Variants in ARHGAP6 observed in about 807,000 individuals in gnomAD.
ARHGAP6 encodes the protein rho GTPase-activating protein 6.
Under a neutral mutation model 55.7 loss-of-function variants are expected in ARHGAP6, and 16 were observed. That is an observed-to-expected ratio of 0.29 (90% confidence interval 0.19 to 0.44). ARHGAP6 has a LOEUF of 0.44. Among genes scored for constraint, ARHGAP6 ranks in the 20% least tolerant of loss-of-function variants. The pLI is 1.00. For missense variants in ARHGAP6, 698 were observed against 808.9 expected (o/e 0.86, Z 1.66); for synonymous variants, 382 against 360.9 (o/e 1.06, Z -0.66).
intron 1 of ARHGAP6, among the ~76,000 whole-genome samples, chrX:11,339,456 A>T (rs967618299): frequency 9.1e-6 from 1 of 110,154 alleles, no homozygotes; most frequent in African/African-American, 3.3e-5. Context: ...CTTAAATTTT[A>T]CACATATCTG....
chrX:11,173,463 G>C (rs952926230), intron 8 of ARHGAP6, among the ~76,000 whole-genome samples: 1 of 112,030 alleles, frequency 8.9e-6, no homozygotes, highest in Non-Finnish European at 1.9e-5. Flanking sequence ...GTGCCAGGGG[G>C]TTCTTGAACT....
intron 1 of ARHGAP6, among the ~76,000 whole-genome samples, chrX:11,620,374 C>T (rs981506023): frequency 1.8e-5 from 2 of 112,272 alleles, no homozygotes; most frequent in Non-Finnish European, 3.8e-5. Context: ...TCGAAACATG[C>T]AATTGTGATA....
At chrX:11,253,675 G>A (rs1237400138) in intron 2 of ARHGAP6, among the ~76,000 whole-genome samples, 1 of 112,002 alleles carries the variant, frequency 8.9e-6, no homozygotes, top group Non-Finnish European at 1.9e-5. Flanking sequence ...GGGAGGCTGA[G>A]GCAGGCAGAT....
intron 1 of ARHGAP6, among the ~76,000 whole-genome samples, chrX:11,346,384 A>G (rs1004431096): frequency 1.2e-4 from 13 of 111,755 alleles, no homozygotes; most frequent in Admixed American, 1.9e-4. Context: ...AATACTTACC[A>G]TCTGTCCCAT....
At chrX:11,630,071 G>C (rs888815965) in intron 1 of ARHGAP6, among the ~76,000 whole-genome samples, 1 of 110,716 alleles carries the variant, frequency 9.0e-6, no homozygotes, top group Non-Finnish European at 1.9e-5. Context: ...CCTCCTGCCA[G>C]TTTCTGTTGT....
rs12011307 is a variant in ARHGAP6 at position 11,484,333 on chromosome X, A to G, written c.588+179908T>C. ...GGAGAGAGAGAGGAGAATTTTAGAGAAGATTAAGTAGGAGGAGGAGGAGGA... is the reference window on the plus strand; with the variant it reads ...GGAGAGAGAGAGGAGAATTTTAGAGGAGATTAAGTAGGAGGAGGAGGAGGA... On this transcript the variant is annotated intron_variant, in intron 1 of 12. Coordinates refer to ENST00000337414, the MANE Select transcript of ARHGAP6 (RefSeq NM_013427.3). 8.1e-3 allele frequency among the ~76,000 whole-genome samples: 883 copies of G among 108,576 alleles called. 2 individuals carry two copies. Among genetic ancestry groups the G allele is most frequent in the Middle Eastern group, 0.029 (6 of 208 alleles). 94.3% of individuals were successfully genotyped at this position (108,576 alleles called of 115,157 possible).
intron 1 of ARHGAP6, among the ~76,000 whole-genome samples, chrX:11,642,569 A>G (rs957173149): frequency 1.8e-5 from 2 of 112,181 alleles, no homozygotes; most frequent in African/African-American, 6.5e-5. Context: ...GATCAATAAG[A>G]TGTGGTCTAT....
intron 1 of ARHGAP6, among the ~76,000 whole-genome samples, chrX:11,634,137 G>A (rs867689756): frequency 6.5e-5 from 7 of 107,212 alleles, no homozygotes; most frequent in Middle Eastern, 4.7e-3. Flanking sequence ...AAAGGTTTGG[G>A]ACTGCAGGTG....
intron 1 of ARHGAP6, among the ~76,000 whole-genome samples, chrX:11,352,045 C>G (rs1384820656): frequency 8.9e-6 from 1 of 112,436 alleles, no homozygotes; most frequent in Non-Finnish European, 1.9e-5. Context: ...TTACTGTTGT[C>G]ATTAATAAAA....
At chrX:11,381,071 G>A (rs1021974811) in intron 1 of ARHGAP6, among the ~76,000 whole-genome samples, 1 of 112,873 alleles carries the variant, frequency 8.9e-6, no homozygotes, top group African/African-American at 3.2e-5. Flanking sequence ...CAGGTTAAGT[G>A]AGGATGTATT....
intron 2 of ARHGAP6, among the ~76,000 whole-genome samples, chrX:11,208,914 T>G (rs5978427): frequency 0.22 from 24,038 of 110,979 alleles, 2,012 homozygotes; most frequent in Middle Eastern, 0.28. Context: ...CTGTAATTCT[T>G]TTGGGGAGAA....
At chrX:11,445,710 G>A (rs769110397) in intron 1 of ARHGAP6, among the ~76,000 whole-genome samples, 1 of 111,624 alleles carries the variant, frequency 9.0e-6, no homozygotes, top group African/African-American at 3.3e-5. Flanking sequence ...GGACATTTTG[G>A]TTGTCGTGAC....
At chrX:11,203,827 C>T (rs1057287775) in intron 2 of ARHGAP6, among the ~76,000 whole-genome samples, 5 of 111,749 alleles carry the variant, frequency 4.5e-5, no homozygotes, top group Non-Finnish European at 7.5e-5. Context: ...TTGGTGTTTC[C>T]ACTCAAGTCC....
intron 1 of ARHGAP6, among the ~76,000 whole-genome samples, chrX:11,360,201 C>A (rs1485681891): frequency 3.6e-5 from 4 of 111,546 alleles, no homozygotes; most frequent in African/African-American, 6.5e-5. Context: ...GAGACACAAC[C>A]AACAAAGAGA....
chrX:11,578,602 C>G (rs886852233), intron 1 of ARHGAP6, among the ~76,000 whole-genome samples: 3 of 111,954 alleles, frequency 2.7e-5, no homozygotes, highest in East Asian at 2.8e-4. Context: ...CCAGTTCAAC[C>G]ATTGTGGAAG....
intron 2 of ARHGAP6, among the ~76,000 whole-genome samples, chrX:11,209,200 G>A (rs932236679): frequency 2.7e-5 from 3 of 112,111 alleles, no homozygotes; most frequent in Admixed American, 9.4e-5. Flanking sequence ...GGAGTGCAGC[G>A]GCGTAATCGA....
chrX:11,204,531 G>A (rs998557845), intron 2 of ARHGAP6, among the ~76,000 whole-genome samples: 1 of 111,922 alleles, frequency 8.9e-6, no homozygotes, highest in Admixed American at 9.5e-5. Flanking sequence ...GACACCCAGT[G>A]TTTTGATGAC....
intron 1 of ARHGAP6, chrX:11,351,550 G>C (rs2048864053): frequency 1.3e-5 from 12 of 890,537 alleles, no homozygotes; most frequent in Non-Finnish European, 1.7e-5. Context: ...GGGGAAGTGA[G>C]AAGCCATGGG....
At chrX:11,359,127 G>A (rs1044836045) in intron 1 of ARHGAP6, among the ~76,000 whole-genome samples, 1 of 111,556 alleles carries the variant, frequency 9.0e-6, no homozygotes, top group African/African-American at 3.3e-5. Context: ...AACACCTCAG[G>A]TACTAGGTAT....
Sources: allele counts gnomAD v4.1 joint callset (sites outside exome capture counted in the v4.1 genomes callset), GRCh38; gene constraint gnomAD v4.1.1; transcripts MANE v1.5; gene names NCBI Gene and HGNC (gene_info 2026-07-23, HGNC 2026-07-21).